MEGF10: variants seen among roughly 807,000 people sequenced by gnomAD.
The protein encoded by MEGF10 is multiple epidermal growth factor-like domains protein 10.
Under a neutral mutation model 147.5 loss-of-function variants are expected in MEGF10, and 86 were observed. The observed-to-expected ratio is 0.58, with a 90% CI of 0.49 to 0.70. MEGF10 has a LOEUF of 0.70. Among genes scored for constraint, MEGF10 ranks in the 30% least tolerant of loss-of-function variants. MEGF10 has a pLI of 0.00. For missense variants in MEGF10, 1,329 were observed against 1,487.3 expected (o/e 0.89, Z 1.75); for synonymous variants, 478 against 525.5 (o/e 0.91, Z 1.24).
At chr5:127,436,271 C>T (rs973420606) in intron 16 of MEGF10, among the ~76,000 whole-genome samples, 2 of 152,172 alleles carry the variant, frequency 1.3e-5, no homozygotes, top group Admixed American at 6.5e-5. Context: ...TTAATTCAAA[C>T]TTCACAGTTA....
At chr5:127,406,826 C>T (rs1270652518) in intron 8 of MEGF10, among the ~76,000 whole-genome samples, 4 of 152,100 alleles carry the variant, frequency 2.6e-5, no homozygotes, top group African/African-American at 9.7e-5. Context: ...TTTCCAGATC[C>T]TTAAAAAACA....
At chr5:127,379,621 A>G (rs1763177123) in intron 5 of MEGF10, among the ~76,000 whole-genome samples, 1 of 108,622 alleles carries the variant, frequency 9.2e-6, no homozygotes, top group Non-Finnish European at 1.7e-5. Flanking sequence ...TTTTTTTGAG[A>G]CGGAGTCTCA....
At chr5:127,390,976 C>T (rs1260215666) in intron 5 of MEGF10, among the ~76,000 whole-genome samples, 8 of 152,038 alleles carry the variant, frequency 5.3e-5, no homozygotes, top group South Asian at 2.1e-4. Context: ...TAATCTATCA[C>T]GATGCTTGGA....
Position 127,435,393 on chromosome 5 carries a change from G to T in MEGF10, c.2008G>T (p.Ala670Ser), listed in dbSNP as rs1423338661. Residue 670 changes from alanine to serine, a missense_variant, in exon 16 of 25, where the codon GCA (alanine) becomes TCA (serine). Physicochemically the swap from Ala to Ser is moderately conservative, Grantham distance 99. Around this residue, in one of 3 missense-constraint regions of MEGF10, gnomAD observed 980 missense variants for 1,085.9 expected, o/e 0.90. Transcript: ENST00000503335. ...CPSGRFGKNC[A>S]GICTCTNNGT... ...CAGTGGCAGATTTGGGAAAAACTGT[G>T]CAGGAATTTGTACCTGCACCAACAA... 1 of 1,614,106 alleles carries T rather than the reference G, an allele frequency of 6.2e-7. No individual in the cohort carries two copies. Among genetic ancestry groups the T allele is most frequent in the South Asian group, 1.1e-5 (1 of 91,064 alleles).
the MEGF10 span, among the ~76,000 whole-genome samples, chr5:127,241,050 TTTAA>T: frequency 6.6e-6 from 1 of 152,214 alleles, no homozygotes; most frequent in Non-Finnish European, 1.5e-5. Flanking sequence ...TATGTACATA[TTTAA>T]TTAAATCACT....
chr5:127,325,907 ATATT>A (rs1354682962), intron 1 of MEGF10, among the ~76,000 whole-genome samples: 727 of 14,148 alleles, frequency 0.051, 10 homozygotes, highest in African/African-American at 0.11. Flanking sequence ...ATATATATAT[ATATT>A]TTTTTTTTTT....
intron 1 of MEGF10, among the ~76,000 whole-genome samples, chr5:127,314,024 A>G (rs1228402098): frequency 6.6e-6 from 1 of 152,146 alleles, no homozygotes. Flanking sequence ...TTGGCCAACC[A>G]AGGGCGGCCC....
At chr5:127,310,013 T>TTC (rs1561562131) in intron 1 of MEGF10, among the ~76,000 whole-genome samples, 2 of 37,134 alleles carry the variant, frequency 5.4e-5, no homozygotes, top group African/African-American at 8.8e-5. Context: ...TTCCTTCCTT[T>TTC]CTTTTTTTCT....
chr5:127,295,735 C>T (rs1410917611), intron 1 of MEGF10, among the ~76,000 whole-genome samples: 1 of 152,200 alleles, frequency 6.6e-6, no homozygotes, highest in Non-Finnish European at 1.5e-5. Context: ...CAAATATCCA[C>T]ATTGATGGAC....
chr5:127,412,726 A>G (rs563039342), intron 9 of MEGF10, among the ~76,000 whole-genome samples: 2 of 152,326 alleles, frequency 1.3e-5, no homozygotes, highest in South Asian at 4.1e-4. Context: ...AAACCCAATG[A>G]CGTAAAATAA....
chr5:127,274,193 G>GA, the MEGF10 span, among the ~76,000 whole-genome samples: 1 of 151,510 alleles, frequency 6.6e-6, no homozygotes, highest in African/African-American at 2.4e-5. Flanking sequence ...GTATCATGGG[G>GA]AAAAAAAGGT....
chr5:127,438,948 G>A (rs1463539364), intron 17 of MEGF10, among the ~76,000 whole-genome samples: 8 of 152,266 alleles, frequency 5.3e-5, no homozygotes, highest in East Asian at 3.9e-4. Context: ...TTTAATGTGC[G>A]CTCTTGGAAA....
Position 127,457,282 on chromosome 5 carries a change from T to C in MEGF10, c.3387T>C (p.Gly1129=), listed in dbSNP as rs3812052. Residue 1129 remains glycine (G), a synonymous_variant, in exon 25 of 25, where the codon GGT becomes GGC. Coordinates refer to ENST00000503335, the MANE Select transcript of MEGF10 (RefSeq NM_001256545.2). ...CCTCCCCTAAGCAAGAGGACAGTGGTGGTAGCAGCAGCAACAGCAGCAGCA... is the reference window on the plus strand; with the variant it reads ...CCTCCCCTAAGCAAGAGGACAGTGGCGGTAGCAGCAGCAACAGCAGCAGCA... ...SSSSPKQEDS[G]GSSSNSSSSS... The C allele has an allele frequency of 6.2e-7, 1 of 1,613,592 alleles. No homozygotes were observed. Among genetic ancestry groups the C allele is most frequent in the Middle Eastern group, 1.7e-4 (1 of 6,058 alleles).
intron 1 of MEGF10, among the ~76,000 whole-genome samples, chr5:127,307,586 T>G (rs1166684745): frequency 6.6e-6 from 1 of 152,224 alleles, no homozygotes; most frequent in African/African-American, 2.4e-5. Context: ...GGGCACAGCC[T>G]AAAGAGCTCT....
Position 127,435,502 on chromosome 5 carries a change from T to G in MEGF10, c.2104+13T>G. ...GACTGCTCTCAACGTAAGTCTTGTT[T>G]GAGAACAATTAATAAACTGTTCTTA... is the stretch of plus-strand genomic sequence containing the variant. On this transcript the variant is annotated intron_variant, in intron 16 of 24. Coordinates refer to ENST00000503335, the MANE Select transcript of MEGF10 (RefSeq NM_001256545.2). 6.2e-7 allele frequency: 1 copy of G among 1,609,780 alleles called. No individual in the cohort carries two copies. The highest frequency in any genetic ancestry group is 1.3e-5 in the African/African-American group (1 of 74,846).
intron 4 of MEGF10, among the ~76,000 whole-genome samples, chr5:127,355,984 T>A (rs967740052): frequency 2.0e-5 from 3 of 152,162 alleles, no homozygotes; most frequent in African/African-American, 7.2e-5. Flanking sequence ...CAGGTAGGAT[T>A]TTTACAGGCC....
intron 4 of MEGF10, among the ~76,000 whole-genome samples, chr5:127,358,525 T>A (rs1298864156): frequency 6.6e-6 from 1 of 151,660 alleles, no homozygotes; most frequent in Non-Finnish European, 1.5e-5. Flanking sequence ...CCATAGAGAG[T>A]GGTCAGGGCA....
At chr5:127,314,551 C>G (rs1760441409) in intron 1 of MEGF10, among the ~76,000 whole-genome samples, 1 of 152,160 alleles carries the variant, frequency 6.6e-6, no homozygotes, top group Non-Finnish European at 1.5e-5. Flanking sequence ...ATGTCCTGAA[C>G]ACACTGTTAA....
chr5:127,430,837 T>C (rs568443340), intron 13 of MEGF10, among the ~76,000 whole-genome samples: 1 of 152,268 alleles, frequency 6.6e-6, no homozygotes, highest in Non-Finnish European at 1.5e-5. Flanking sequence ...AAATGCTGAC[T>C]CATTTTTTAC....
Sources: allele counts gnomAD v4.1 joint callset (sites outside exome capture counted in the v4.1 genomes callset), GRCh38; gene constraint gnomAD v4.1.1; regional missense constraint gnomAD v4.1.1; transcripts MANE v1.5; gene names NCBI Gene and HGNC (gene_info 2026-07-23, HGNC 2026-07-21).